The following DNAJB6 variants were observed in gnomAD, a reference collection of about 807,000 sequenced individuals.
DNAJB6 encodes dnaJ homolog subfamily B member 6.
DNAJB6 carries 16 observed loss-of-function variants against 42.7 expected under a neutral mutation model. The observed-to-expected ratio is 0.37, with a 90% CI of 0.25 to 0.57. The LOEUF (loss-of-function observed/expected upper bound fraction) is 0.57. Among genes scored for constraint, DNAJB6 ranks in the 20% least tolerant of loss-of-function variants. The probability of loss-of-function intolerance (pLI) is 0.74; values close to 1 mark genes in which losing one functional copy is unlikely to be tolerated. For missense variants in DNAJB6, 347 were observed against 416.8 expected, an observed-to-expected ratio of 0.83 and a Z score of 1.46; for synonymous variants, 170 against 163.5, an observed-to-expected ratio of 1.04 and a Z score of -0.30.
chr7:157,382,125 CCT>C, intron 5 of DNAJB6, 119 bp from the exon 6 acceptor site: 1 of 1,092,258 alleles, frequency 9.2e-7, no homozygotes, highest in Non-Finnish European at 1.3e-6. Flanking sequence ...TTTGTTAAAA[CCT>C]CTTAAGTTTT....
chr7:157,359,760 A>G (rs892878999), intron 2 of DNAJB6, among the ~76,000 whole-genome samples: 4 of 152,226 alleles, frequency 2.6e-5, no homozygotes, highest in African/African-American at 9.6e-5. Context: ...TTGAGGCTGC[A>G]GTGAGCTATG....
At chr7:157,357,212 GTCCT>G (rs112834824) in intron 1 of DNAJB6, among the ~76,000 whole-genome samples, 14,644 of 61,840 alleles carry the variant, frequency 0.24, 2,841 homozygotes, top group East Asian at 0.36. Context: ...TGATACTGTT[GTCCT>G]TCCTTCCTTC....
In DNAJB6 at chr7:157,406,186, T is replaced by TG. The variant is rs79927949; in HGVS notation, c.692-3608dup. On this transcript the variant is annotated intron_variant, in intron 8 of 9. Coordinates refer to ENST00000262177, the MANE Select transcript of DNAJB6 (RefSeq NM_058246.4). ...TCCCAGCCGTGAGGCGGCCGCTCCC[T>TG]GTCCATGCCGGCAGTGCACCGTGCC... is the stretch of plus-strand genomic sequence containing the variant. Among the ~76,000 whole-genome samples the TG allele has an allele frequency of 3.4e-3, 524 of 152,374 alleles. 6 individuals are homozygous for TG. The East Asian group carries it at 0.035, about 10-fold the overall frequency.
intron 1 of DNAJB6, among the ~76,000 whole-genome samples, chr7:157,355,766 C>T (rs1799241300): frequency 6.6e-6 from 1 of 152,138 alleles, no homozygotes; most frequent in South Asian, 2.1e-4. Context: ...GTAGGGTAGC[C>T]TTCATTTGGT....
intron 9 of DNAJB6, chr7:157,414,307 G>A (rs1486588348): frequency 1.4e-5 from 2 of 142,660 alleles, no homozygotes; most frequent in African/African-American, 2.5e-5. Context: ...CTTGGGTCCC[G>A]GGGCACGAGG....
chr7:157,395,177 G>GA (rs1329796047), intron 8 of DNAJB6, among the ~76,000 whole-genome samples: 1 of 152,162 alleles, frequency 6.6e-6, no homozygotes, highest in Non-Finnish European at 1.5e-5. Flanking sequence ...ACCAGGGCTG[G>GA]AAGCATACTT....
At position 157,382,228 on chromosome 7, in the gene DNAJB6, G is replaced by A. The variant is rs762017341; in HGVS notation, c.347-18G>A. ...TTGAAAAAAAGACTTCATAGTGTGTGTTTATGTTTGATTTTAGAAGACCCT... is the reference window on the plus strand; with the variant it reads ...TTGAAAAAAAGACTTCATAGTGTGTATTTATGTTTGATTTTAGAAGACCCT... On this transcript the variant is annotated intron_variant, in intron 5 of 9. Coordinates refer to ENST00000262177, the MANE Select transcript of DNAJB6 (RefSeq NM_058246.4). 5.7e-6 allele frequency: 9 copies of A among 1,581,820 alleles called. No individual in the cohort carries two copies. In the East Asian group the frequency reaches 9.1e-5, roughly 16 times the overall value.
intron 2 of DNAJB6, among the ~76,000 whole-genome samples, chr7:157,362,515 C>T (rs758160526): frequency 6.6e-6 from 1 of 152,090 alleles, no homozygotes; most frequent in Non-Finnish European, 1.5e-5. Flanking sequence ...GCTGGGATTA[C>T]AGTCAAGTAC....
intron 9 of DNAJB6, 131 bp from the exon 10 acceptor site, chr7:157,415,885 T>C (rs1796096337): frequency 1.3e-6 from 2 of 1,528,574 alleles, no homozygotes; most frequent in Non-Finnish European, 1.8e-6. Context: ...GGTTTAGCTG[T>C]GGCCAAGATA....
intron 1 of DNAJB6, among the ~76,000 whole-genome samples, chr7:157,354,712 G>C (rs1377037978): frequency 3.3e-5 from 5 of 152,202 alleles, no homozygotes; most frequent in Non-Finnish European, 5.9e-5. Context: ...CTGTAGGTCA[G>C]GGTAAGGGAT....
At chr7:157,389,069 A>G (rs1801216316) in intron 8 of DNAJB6, among the ~76,000 whole-genome samples, 1 of 152,220 alleles carries the variant, frequency 6.6e-6, no homozygotes, top group African/African-American at 2.4e-5. Flanking sequence ...ACCATTTGCT[A>G]AACTTACCTG....
intron 5 of DNAJB6, among the ~76,000 whole-genome samples, chr7:157,373,018 C>T (rs902567214): frequency 2.0e-5 from 3 of 152,228 alleles, no homozygotes; most frequent in Non-Finnish European, 2.9e-5. Context: ...AGTCTTCCTT[C>T]CTCAGCCTCC....
At chr7:157,337,540 C>G (rs929089689) in intron 1 of DNAJB6, 3 of 152,214 alleles carry the variant, frequency 2.0e-5, no homozygotes, top group Non-Finnish European at 4.4e-5. Context: ...CTAAGGCTCC[C>G]GCACTCGCGT....
intron 5 of DNAJB6, among the ~76,000 whole-genome samples, chr7:157,372,919 G>A (rs192573359): frequency 6.6e-6 from 1 of 152,214 alleles, no homozygotes; most frequent in East Asian, 1.9e-4. Context: ...CATCTCCTTT[G>A]TGTCTGTCTC....
intron 6 of DNAJB6, 105 bp downstream of exon 6, chr7:157,382,482 T>C: frequency 7.8e-7 from 1 of 1,278,666 alleles, no homozygotes; most frequent in Non-Finnish European, 1.1e-6. Context: ...TGTATACCTT[T>C]CGTAGAATAG....
intron 2 of DNAJB6, among the ~76,000 whole-genome samples, chr7:157,358,935 T>G (rs1799442447): frequency 1.3e-5 from 2 of 152,332 alleles, no homozygotes; most frequent in South Asian, 4.1e-4. Flanking sequence ...GACTTGGCAT[T>G]CTTGAGTGCC....
At chr7:157,356,799 G>A (rs1584893264) in intron 1 of DNAJB6, among the ~76,000 whole-genome samples, 1 of 152,170 alleles carries the variant, frequency 6.6e-6, no homozygotes, top group South Asian at 2.1e-4. Flanking sequence ...AGAACATTTT[G>A]ATACTCTAAA....
intron 2 of DNAJB6, among the ~76,000 whole-genome samples, chr7:157,362,951 CTG>C (rs1799677111): frequency 6.6e-6 from 1 of 152,136 alleles, no homozygotes; most frequent in South Asian, 2.1e-4. Context: ...CTGGGTCTAT[CTG>C]TGGCTGCACG....
intron 8 of DNAJB6, among the ~76,000 whole-genome samples, chr7:157,392,725 A>G (rs979172861): frequency 1.3e-5 from 2 of 152,166 alleles, no homozygotes; most frequent in African/African-American, 2.4e-5. Context: ...CACCCCATGT[A>G]GATTTGGGAG....
Sources: allele counts gnomAD v4.1 joint callset (sites outside exome capture counted in the v4.1 genomes callset), GRCh38; gene constraint gnomAD v4.1.1; transcripts MANE v1.5; gene names NCBI Gene and HGNC (gene_info 2026-07-23, HGNC 2026-07-21).